SMYD4: variants seen among roughly 807,000 people sequenced by gnomAD.
The protein encoded by SMYD4 is SET and MYND domain containing 4.
SMYD4 carries 68 observed loss-of-function variants against 72.8 expected under a neutral mutation model. That is an observed-to-expected ratio of 0.93 (90% confidence interval 0.77 to 1.14). The LOEUF (loss-of-function observed/expected upper bound fraction) is 1.14. SMYD4 is among the 50% of genes most tolerant of loss of function. The pLI, the probability that SMYD4 is intolerant of heterozygous loss-of-function variation, is 0.00. For synonymous variants in SMYD4, 407 were observed against 388.6 expected, an observed-to-expected ratio of 1.05 and a Z score of -0.56; for missense variants, 984 against 1,003.7, an observed-to-expected ratio of 0.98 and a Z score of 0.27.
intron 4 of SMYD4, 76 bp from the exon 5 acceptor site, chr17:1,801,100 T>C (rs1270075476): frequency 1.4e-6 from 2 of 1,384,102 alleles, no homozygotes; most frequent in Admixed American, 2.3e-5. Flanking sequence ...TTTCCAAAAA[T>C]CTACAGGAAA....
At chr17:1,804,459 T>C (rs1597383933) in intron 4 of SMYD4, 167 bp downstream of exon 4, 3 of 566,418 alleles carry the variant, frequency 5.3e-6, no homozygotes, top group South Asian at 3.8e-5. Context: ...TTACAGGCAA[T>C]GAGCGCCCAG....
intron 8 of SMYD4, chr17:1,783,741 A>G (rs1330183550): frequency 3.8e-6 from 2 of 521,016 alleles, no homozygotes; most frequent in Admixed American, 3.6e-5. Flanking sequence ...GACCAACTCT[A>G]CCTTTCACGT....
intron 5 of SMYD4, among the ~76,000 whole-genome samples, chr17:1,792,503 C>T (rs1909107449): frequency 6.6e-6 from 1 of 152,032 alleles, no homozygotes; most frequent in African/African-American, 2.4e-5. Flanking sequence ...AAAGTTAGCC[C>T]GGTGTGGTGC....
At chr17:1,827,212 T>G (rs1376571465) in intron 2 of SMYD4, among the ~76,000 whole-genome samples, 1 of 151,214 alleles carries the variant, frequency 6.6e-6, no homozygotes, top group Non-Finnish European at 1.5e-5. Flanking sequence ...CATGGTGGTG[T>G]GCGACTGTAA....
intron 4 of SMYD4, among the ~76,000 whole-genome samples, chr17:1,802,449 G>C (rs772140299): frequency 6.6e-6 from 1 of 151,528 alleles, no homozygotes; most frequent in Non-Finnish European, 1.5e-5. Context: ...AGCTATGATC[G>C]AGTCACTGCA....
chr17:1,807,644 C>T (rs953866576), intron 3 of SMYD4, among the ~76,000 whole-genome samples: 3 of 151,920 alleles, frequency 2.0e-5, no homozygotes, highest in East Asian at 1.9e-4. Flanking sequence ...ATTACAGGTG[C>T]GAGCCACCGC....
chr17:1,792,574 G>A (rs1477066585), intron 5 of SMYD4, among the ~76,000 whole-genome samples: 1 of 151,646 alleles, frequency 6.6e-6, no homozygotes, highest in African/African-American at 2.4e-5. Flanking sequence ...CCTGGAGGTC[G>A]AGGCTTCAGT....
chr17:1,794,792 A>C (rs1440839989), intron 5 of SMYD4, among the ~76,000 whole-genome samples: 5 of 152,002 alleles, frequency 3.3e-5, no homozygotes, highest in African/African-American at 1.2e-4. Flanking sequence ...GAATGTTGTC[A>C]AGTTCCCAGA....
At chr17:1,804,815 A>G (rs1909954045) in intron 3 of SMYD4, 100 bp from the exon 4 acceptor site, 1 of 1,189,716 alleles carries the variant, frequency 8.4e-7, no homozygotes, top group Middle Eastern at 2.1e-4. Flanking sequence ...ACTGTGTGAA[A>G]CTGGGAAAGT....
At chr17:1,809,322 T>C (rs912531015) in intron 3 of SMYD4, among the ~76,000 whole-genome samples, 2 of 152,150 alleles carry the variant, frequency 1.3e-5, no homozygotes, top group Non-Finnish European at 2.9e-5. Flanking sequence ...CAGTTCTTAC[T>C]ATGAAAGCAG....
chr17:1,822,031 C>T (rs1910917673), intron 2 of SMYD4, among the ~76,000 whole-genome samples: 1 of 151,790 alleles, frequency 6.6e-6, no homozygotes, highest in South Asian at 2.1e-4. Flanking sequence ...TTGAGACTAG[C>T]CTGGCCAACA....
chr17:1,827,353 G>GAAAAAAA (rs529472874), intron 2 of SMYD4, among the ~76,000 whole-genome samples: 1 of 118,948 alleles, frequency 8.4e-6, no homozygotes, highest in Non-Finnish European at 1.9e-5. Context: ...AAGAAAAAAA[G>GAAAAAAA]AAAAAAAAAA....
intron 3 of SMYD4, among the ~76,000 whole-genome samples, chr17:1,805,986 C>T (rs1404008632): frequency 3.4e-5 from 5 of 148,200 alleles, no homozygotes; most frequent in Non-Finnish European, 6.0e-5. Context: ...TGCAGTGGCT[C>T]GATCTCGGCT....
At position 1,800,114 on chromosome 17, in the gene SMYD4, T is replaced by A; in HGVS notation, c.1280A>T (p.Asn427Ile). The A allele has an allele frequency of 6.2e-7, 1 of 1,611,522 alleles. No homozygotes were observed. The highest frequency in any genetic ancestry group is 1.1e-5 in the South Asian group (1 of 90,764). The change falls in exon 5 of 11, where the codon AAC (asparagine) becomes ATC (isoleucine). Residue 427 changes from asparagine to isoleucine, a missense_variant. Physicochemically the swap from Asn to Ile is moderately radical, Grantham distance 149. Coordinates refer to ENST00000305513, the MANE Select transcript of SMYD4 (RefSeq NM_052928.3). ...KYENNYNAVF[N>I]LLPHTENHSP... is the part of the protein sequence containing the mutation. ...ATGGTTTTCAGTGTGGGGCAAAAGG[T>A]TGAAGACAGCATTATAATTATTTTC...
intron 3 of SMYD4, among the ~76,000 whole-genome samples, chr17:1,804,977 C>A (rs1404449877): frequency 6.6e-6 from 1 of 152,142 alleles, no homozygotes; most frequent in African/African-American, 2.4e-5. Flanking sequence ...GAGGGACATA[C>A]CTGCAAGCAT....
At chr17:1,795,327 TATCTATCTAATC>T (rs1174799605) in intron 5 of SMYD4, among the ~76,000 whole-genome samples, 2 of 69,794 alleles carry the variant, frequency 2.9e-5, no homozygotes, top group Non-Finnish European at 1.1e-4. Flanking sequence ...GCTATCTATC[TATCTATCTAATC>T]ATCTATCTAT....
rs1448135223 is a variant in SMYD4 at position 1,801,016 on chromosome 17, A to T, written c.378T>A (p.Leu126=). 6.3e-7 allele frequency: 1 copy of T among 1,597,016 alleles called. No individual in the cohort carries two copies. Among genetic ancestry groups the T allele is most frequent in the South Asian group, 1.1e-5 (1 of 90,324 alleles). ...LFHLGQYETC[L]KDINRAQTHG... ...GTGTCTGTGCTCTGTTAATGTCTTT[A>T]AGACACGTCTGAAAACAGAAAGAAA... The change falls in exon 5 of 11, where the codon CTT becomes CTA. Residue 126 remains leucine (L), a synonymous_variant. Coordinates refer to ENST00000305513, the MANE Select transcript of SMYD4 (RefSeq NM_052928.3).
At position 1,782,798 on chromosome 17, in the gene SMYD4, G is replaced by A. The variant is rs931359420; in HGVS notation, c.2261+237C>T. 1.9e-5 allele frequency: 5 copies of A among 262,648 alleles called. No individual in the cohort carries two copies. Among genetic ancestry groups the A allele is most frequent in the Admixed American group, 5.9e-5 (1 of 16,826 alleles). The allele number at this position is 262,648 out of a possible 1,614,324, so 16.3% of individuals were successfully genotyped here. A position where few individuals can be genotyped will look rare whatever the true frequency, so the allele number is the denominator to read the frequency against. ...TTTTTTTTTTTTGAGATGGAGTCTC[G>A]CTCTGTCGCCCAGGCTACAGTGCAG... is the stretch of plus-strand genomic sequence containing the variant. On this transcript the variant is annotated intron_variant, in intron 10 of 10. Coordinates refer to ENST00000305513, the MANE Select transcript of SMYD4 (RefSeq NM_052928.3).
Position 1,800,477 on chromosome 17 carries a change from GT to G in SMYD4, c.916del (p.Thr306GlnfsTer47). ...CHRCLKHTLATVPCDGCSYAK... is the reference protein window; with the variant it reads ...CHRCLKHTLAXVPCDGCSYAK... ...ATAACTGCATCCGTCACACGGAACT[GT>G]GGCCAAAGTGTGCTTCAAACATCGG... On this transcript the variant is annotated frameshift_variant, in exon 5 of 11. Transcript: ENST00000305513. LOFTEE classifies it high-confidence loss of function. 1 of 1,614,180 alleles carries G rather than the reference GT, an allele frequency of 6.2e-7. No individual in the cohort carries two copies. The highest frequency in any genetic ancestry group is 1.6e-4 in the Middle Eastern group (1 of 6,062).
Sources: allele counts gnomAD v4.1 joint callset (sites outside exome capture counted in the v4.1 genomes callset), GRCh38; gene constraint gnomAD v4.1.1; transcripts MANE v1.5; gene names NCBI Gene and HGNC (gene_info 2026-07-23, HGNC 2026-07-21).